MORC2: variants seen among roughly 807,000 people sequenced by gnomAD.
MORC2 encodes ATPase MORC2.
A neutral mutation model predicts 136.0 loss-of-function variants in MORC2; 30 were observed. The ratio of observed to expected loss-of-function variants is 0.22; its 90% confidence interval spans 0.17 to 0.30. The LOEUF (loss-of-function observed/expected upper bound fraction) is 0.30, where lower values mean the gene tolerates loss of function less well. Ranked by LOEUF, MORC2 falls within the 10% of genes least tolerant of loss-of-function variation. The pLI is 1.00. For missense variants in MORC2, 922 were observed against 1,333.1 expected (o/e 0.69, Z 4.80); for synonymous variants, 439 against 487.0 (o/e 0.90, Z 1.30).
At chr22:30,928,294 G>T in intron 24 of MORC2, 87 bp from the exon 25 acceptor site, 1 of 1,341,618 alleles carries the variant, frequency 7.5e-7, no homozygotes, top group Non-Finnish European at 1.1e-6. Context: ...TCTCCAGCCC[G>T]CTTTACCCAA....
At chr22:30,926,947 G>A (rs1477419343) in intron 25 of MORC2, 76 bp from the exon 26 acceptor site, 13 of 1,288,352 alleles carry the variant, frequency 1.0e-5, no homozygotes, top group Non-Finnish European at 1.5e-5. Flanking sequence ...CCTTCTCTCA[G>A]CTCCTGGGAT....
At chr22:30,942,304 G>C in intron 6 of MORC2, 33 bp from the exon 7 acceptor site, 7 of 1,586,676 alleles carry the variant, frequency 4.4e-6, no homozygotes, top group Non-Finnish European at 6.0e-6. Flanking sequence ...CACTTTAAGG[G>C]AAGCCCCAGA....
At chr22:30,944,550 G>A (rs1056871608) in intron 6 of MORC2, among the ~76,000 whole-genome samples, 7 of 151,940 alleles carry the variant, frequency 4.6e-5, no homozygotes, top group African/African-American at 1.2e-4. Flanking sequence ...AGGTGACCTC[G>A]TTTGCTACCA....
intron 1 of MORC2, among the ~76,000 whole-genome samples, chr22:30,966,852 CA>C (rs2041135956): frequency 6.6e-6 from 1 of 152,140 alleles, no homozygotes; most frequent in Non-Finnish European, 1.5e-5. Context: ...CACTACTTGG[CA>C]AAATTTTATT....
rs548292999 is a variant in MORC2, at chr22:30,935,307, G to A, written c.1753C>T (p.Arg585Cys). 1.5e-5 allele frequency: 25 copies of A among 1,613,732 alleles called. 1 individual carries two copies. Among genetic ancestry groups the A allele is most frequent in the Middle Eastern group, 1.6e-4 (1 of 6,062 alleles). The change falls in exon 18 of 26, where the codon CGC becomes TGC. Residue 585 changes from arginine (R) to cysteine (C), a missense_variant. By Grantham distance (180) the Arg-to-Cys change is radical. Transcript: ENST00000397641. ...LEALQKTTPI[R>C]SQADLKKLPL... ...AATTTCTTCAGGTCTGCTTGGGAGC[G>A]GATGGGTGTGGTTTTCTGCAAGGCA...
rs369024818 is a variant in MORC2, at chr22:30,937,538, T to C, written c.1498+45A>G. 2.5e-6 allele frequency: 4 copies of C among 1,599,332 alleles called. No homozygotes were observed. Among genetic ancestry groups the C allele is most frequent in the South Asian group, 1.1e-5 (1 of 88,972 alleles). On this transcript the variant is annotated intron_variant, in intron 15 of 25. Transcript: ENST00000397641. The surrounding 1 kb of genome is among the most constrained non-coding windows in gnomAD (Gnocchi z 4.7). ...CAGGAAGATAGAGAAAAGAGGCTTG[T>C]GGGCTGATGGAAATGAGTCGGGGGG...
chr22:30,942,401 C>G lies in MORC2; in HGVS notation c.427-130G>C. The G allele has an allele frequency of 5.8e-6, 6 of 1,029,790 alleles. No individual in the cohort carries two copies. The South Asian group carries it at 8.8e-5, about 15-fold the overall frequency. 63.8% of individuals were successfully genotyped at this position (1,029,790 alleles called of 1,614,324 possible). On this transcript the variant is annotated intron_variant, in intron 6 of 25. Coordinates refer to ENST00000397641, the MANE Select transcript of MORC2 (RefSeq NM_001303256.3). Reference sequence around the variant, plus strand: ...TGTAGGTGAGGCCCAAGCTCCACAGCCTGGCACCAGAGGCTCTGTGAGCTT... The same window carrying G: ...TGTAGGTGAGGCCCAAGCTCCACAGGCTGGCACCAGAGGCTCTGTGAGCTT...
Position 30,934,090 on chromosome 22 carries a change from A to C in MORC2, c.2295T>G (p.Val765=). The part of the protein sequence containing the change: ...RKERCKRGRF[V]VKEEKKDSNE... The stretch of plus-strand genomic sequence containing the variant: ...TCGAGTCCTTCTTTTCCTCCTTCAC[A>C]ACAAATCTGCCCCGCTTGCACCTCT... The change falls in exon 20 of 26, where the codon GTT becomes GTG. Residue 765 remains valine, a synonymous_variant. Coordinates refer to ENST00000397641, the MANE Select transcript of MORC2 (RefSeq NM_001303256.3). The surrounding 1 kb of genome is among the most constrained non-coding windows in gnomAD (Gnocchi z 4.4). 1 of 1,614,078 alleles carries C rather than the reference A, an allele frequency of 6.2e-7. No individual in the cohort carries two copies. The highest frequency in any genetic ancestry group is 2.2e-5 in the East Asian group (1 of 44,872).
At chr22:30,947,951 A>C (rs984227551) in intron 5 of MORC2, among the ~76,000 whole-genome samples, 4 of 152,152 alleles carry the variant, frequency 2.6e-5, no homozygotes, top group African/African-American at 4.8e-5. Context: ...CAACTTCTGA[A>C]TTGGTTTCAA....
chr22:30,942,665 A>G (rs1190204916), intron 6 of MORC2, among the ~76,000 whole-genome samples: 1 of 152,194 alleles, frequency 6.6e-6, no homozygotes, highest in Non-Finnish European at 1.5e-5. Flanking sequence ...TCCTAGGTAC[A>G]TACCCTAGGA....
At position 30,937,539 on chromosome 22, in the gene MORC2, G is replaced by A. The variant is rs749515291; in HGVS notation, c.1498+44C>T. On this transcript the variant is annotated intron_variant, in intron 15 of 25. Coordinates refer to ENST00000397641, the MANE Select transcript of MORC2 (RefSeq NM_001303256.3). This position sits in a 1 kb window ranked among gnomAD's most constrained non-coding sequence, Gnocchi z 4.7. ...AGGAAGATAGAGAAAAGAGGCTTGT[G>A]GGCTGATGGAAATGAGTCGGGGGGG... 1 of 1,600,122 alleles carries A rather than the reference G, an allele frequency of 6.2e-7. No individual in the cohort carries two copies. The highest frequency in any genetic ancestry group is 1.3e-5 in the African/African-American group (1 of 74,634).
chr22:30,933,618 G>A (rs1311761936), intron 20 of MORC2, 98 bp from the exon 21 acceptor site: 20 of 1,188,940 alleles, frequency 1.7e-5, no homozygotes, highest in South Asian at 1.0e-4. Flanking sequence ...TCATCTTCAC[G>A]ACTTCCTGTG....
intron 4 of MORC2, 24 bp downstream of exon 4, chr22:30,950,353 C>CCCAACAAAAAAA: frequency 6.7e-7 from 1 of 1,481,956 alleles, no homozygotes; most frequent in Non-Finnish European, 9.4e-7. Flanking sequence ...CCCCACCCCC[C>CCCAACAAAAAAA]AAAACAATAA....
At chr22:30,930,678 C>T (rs1044642149) in intron 24 of MORC2, among the ~76,000 whole-genome samples, 18 of 152,188 alleles carry the variant, frequency 1.2e-4, no homozygotes, top group Admixed American at 9.8e-4. Flanking sequence ...CACGAGGACC[C>T]GACATCTTGA....
intron 24 of MORC2, among the ~76,000 whole-genome samples, chr22:30,931,393 T>A (rs1400662300): frequency 6.6e-6 from 1 of 152,218 alleles, no homozygotes; most frequent in Non-Finnish European, 1.5e-5. Context: ...CAACTGGCCC[T>A]CTACAGAAAA....
chr22:30,950,285 G>T, intron 4 of MORC2, 92 bp downstream of exon 4: 1 of 1,318,618 alleles, frequency 7.6e-7, no homozygotes, highest in African/African-American at 1.4e-5. Flanking sequence ...AACATTGGAG[G>T]CAACAGAAAA....
chr22:30,948,276 TAGG>T (rs1009402839), intron 5 of MORC2, among the ~76,000 whole-genome samples: 2 of 152,026 alleles, frequency 1.3e-5, no homozygotes, highest in African/African-American at 4.8e-5. Context: ...CAGAACCAGG[TAGG>T]AGGAGGCTGA....
intron 1 of MORC2, chr22:30,963,375 C>G: frequency 1.2e-6 from 1 of 829,096 alleles, no homozygotes; most frequent in Non-Finnish European, 1.4e-6. Context: ...CGTTCACTTT[C>G]AACTGATTAT....
chr22:30,931,135 C>T (rs1238115399), intron 24 of MORC2, among the ~76,000 whole-genome samples: 1 of 152,184 alleles, frequency 6.6e-6, no homozygotes, highest in Non-Finnish European at 1.5e-5. Context: ...TAGGACCTGC[C>T]TCCTCGCCCC....
Sources: allele counts gnomAD v4.1 joint callset (sites outside exome capture counted in the v4.1 genomes callset), GRCh38; gene constraint gnomAD v4.1.1; non-coding constraint Gnocchi (gnomAD v3.1); transcripts MANE v1.5; gene names NCBI Gene and HGNC (gene_info 2026-07-23, HGNC 2026-07-21).